The following VIPR2 variants were observed in gnomAD, a reference collection of about 807,000 sequenced individuals.
VIPR2 encodes the protein vasoactive intestinal polypeptide receptor 2.
A neutral mutation model predicts 58.0 loss-of-function variants in VIPR2; 48 were observed. The observed-to-expected ratio is 0.83, with a 90% CI of 0.66 to 1.05. The LOEUF (loss-of-function observed/expected upper bound fraction) is 1.05, where lower values mean the gene tolerates loss of function less well. Ranked by LOEUF, VIPR2 falls within the 50% of genes least tolerant of loss-of-function variation. The pLI, the probability that VIPR2 is intolerant of heterozygous loss-of-function variation, is 0.00. For synonymous variants in VIPR2, 243 were observed against 235.2 expected (o/e 1.03, Z -0.30); for missense variants, 534 against 558.0 (o/e 0.96, Z 0.43).
intron 4 of VIPR2, among the ~76,000 whole-genome samples, chr7:159,094,843 G>A (rs770462991): frequency 1.3e-5 from 2 of 152,170 alleles, no homozygotes; most frequent in Non-Finnish European, 2.9e-5. Context: ...TAGAAACAGA[G>A]ACATTTGGAG....
intron 4 of VIPR2, among the ~76,000 whole-genome samples, chr7:159,084,275 G>A (rs544022175): frequency 3.4e-4 from 52 of 152,350 alleles, no homozygotes; most frequent in South Asian, 2.1e-3. Context: ...AGGTGTGGGC[G>A]GGAGGATGAG....
At chr7:159,129,267 G>C (rs370665983) in intron 2 of VIPR2, among the ~76,000 whole-genome samples, 1,640 of 111,262 alleles carry the variant, frequency 0.015, no homozygotes, top group Non-Finnish European at 0.02. Flanking sequence ...CTGGCCTCTG[G>C]GGGGGACAGG....
intron 4 of VIPR2, among the ~76,000 whole-genome samples, chr7:159,102,714 G>C (rs1858375562): frequency 6.6e-6 from 1 of 152,234 alleles, no homozygotes; most frequent in Non-Finnish European, 1.5e-5. Context: ...CACACCTCCA[G>C]GAGGGGCAGG....
At chr7:159,113,690 A>G (rs964075901) in intron 2 of VIPR2, among the ~76,000 whole-genome samples, 7 of 152,202 alleles carry the variant, frequency 4.6e-5, no homozygotes, top group Non-Finnish European at 8.8e-5. Flanking sequence ...GAAATGCTGG[A>G]TATTATGTGG....
At position 159,090,924 on chromosome 7, in the gene VIPR2, C is replaced by T. The variant is rs1160744212; in HGVS notation, c.357+12833G>A. Among the ~76,000 whole-genome samples, 34 of 122,446 alleles carry T rather than the reference C, an allele frequency of 2.8e-4. 1 individual carries two copies. The highest frequency in any genetic ancestry group is 5.2e-4 in the East Asian group (2 of 3,812). The allele number at this position is 122,446 out of a possible 152,430, so 80.3% of individuals were successfully genotyped here. A position where few individuals can be genotyped will look rare whatever the true frequency, so the allele number is the denominator to read the frequency against. On this transcript the variant is annotated intron_variant, in intron 4 of 12. Coordinates refer to ENST00000262178, the MANE Select transcript of VIPR2 (RefSeq NM_003382.5). ...CACCTATTGTGACTATCACAATCCCCGGTGACCTCAGCACAGACACGCTGG... is the reference window on the plus strand; with the variant it reads ...CACCTATTGTGACTATCACAATCCCTGGTGACCTCAGCACAGACACGCTGG...
intron 2 of VIPR2, among the ~76,000 whole-genome samples, chr7:159,133,781 A>T (rs956866423): frequency 2.0e-5 from 3 of 152,360 alleles, no homozygotes; most frequent in East Asian, 3.9e-4. Flanking sequence ...AGGTGCTTGT[A>T]AAAATTAAAT....
chr7:159,092,250 A>G (rs1857546945), intron 4 of VIPR2, among the ~76,000 whole-genome samples: 1 of 152,198 alleles, frequency 6.6e-6, no homozygotes, highest in South Asian at 2.1e-4. Context: ...TGGGGCCCAG[A>G]GCGAAATTGG....
At chr7:159,125,511 G>C (rs572355959) in intron 2 of VIPR2, among the ~76,000 whole-genome samples, 1 of 152,314 alleles carries the variant, frequency 6.6e-6, no homozygotes. Context: ...TACTCTCAGA[G>C]TCTGGGAAGT....
intron 8 of VIPR2, 35 bp downstream of exon 8, chr7:159,035,917 C>A: frequency 1.2e-6 from 2 of 1,603,138 alleles, no homozygotes; most frequent in South Asian, 1.1e-5. Flanking sequence ...GTTGCCGGGC[C>A]CGTTTTCGAG....
intron 4 of VIPR2, among the ~76,000 whole-genome samples, chr7:159,102,706 C>T (rs1308146174): frequency 6.6e-6 from 1 of 152,234 alleles, no homozygotes; most frequent in Admixed American, 6.5e-5. Flanking sequence ...GCAGAAGCCA[C>T]ACCTCCAGGA....
rs187139520 is a variant in VIPR2 at position 159,030,449 on chromosome 7, C to T, written c.*167G>A. 4.1e-6 allele frequency: 3 copies of T among 724,134 alleles called. No individual in the cohort carries two copies. The highest frequency in any genetic ancestry group is 6.5e-5 in the East Asian group (2 of 30,936). The allele number at this position is 724,134 out of a possible 1,614,324, so 44.9% of individuals were successfully genotyped here. On this transcript the variant is annotated 3_prime_UTR_variant, in exon 13 of 13. Transcript: ENST00000262178. ...AAATCGAGTCAATGACAACACGACT[C>T]CAATTCCAGGTATGGGGTTTAGTGG...
chr7:159,054,938 A>G (rs1855220551), intron 5 of VIPR2, among the ~76,000 whole-genome samples: 2 of 152,230 alleles, frequency 1.3e-5, no homozygotes. Context: ...AATATAAGAT[A>G]AACACAAATG....
rs1853544258 is a variant in VIPR2 at position 159,031,058 on chromosome 7, C to T, written c.1144-269G>A. Reference sequence around the variant, plus strand: ...CGCCACTGCCGCGGTAAGCGCAGTCCCACAGTCTCAGATAGTTAATATTTC... The same window carrying T: ...CGCCACTGCCGCGGTAAGCGCAGTCTCACAGTCTCAGATAGTTAATATTTC... On this transcript the variant is annotated intron_variant, in intron 12 of 12. Coordinates refer to ENST00000262178, the MANE Select transcript of VIPR2 (RefSeq NM_003382.5). This position sits in a 1 kb window ranked among gnomAD's most constrained non-coding sequence, Gnocchi z 4.0. 6.6e-6 allele frequency among the ~76,000 whole-genome samples: 1 copy of T among 152,186 alleles called. No homozygotes were observed. The highest frequency in any genetic ancestry group is 2.1e-4 in the South Asian group (1 of 4,822).
In VIPR2 at chr7:159,057,441, C is replaced by T. The variant is rs551341843; in HGVS notation, c.455+1040G>A. On this transcript the variant is annotated intron_variant, in intron 5 of 12. Transcript: ENST00000262178. ...GTTGAGATGCCTGAACAATAAAAAG[C>T]ATAGCTCAATTACATTTGCTGGCTT... Among the ~76,000 whole-genome samples, 46 of 152,324 alleles carry T rather than the reference C, an allele frequency of 3.0e-4. No homozygotes were observed. In the South Asian group the frequency reaches 8.9e-3, roughly 29 times the overall value.
rs191070923 is a variant in VIPR2, at chr7:159,085,915, C to G, written c.357+17842G>C. On this transcript the variant is annotated intron_variant, in intron 4 of 12. Transcript: ENST00000262178. ...GTCAGCGAGGACGACCCGCGCGATG[C>G]TGTGATGGCGGGTCCTTGTCATTAG... Among the ~76,000 whole-genome samples, 34 of 152,264 alleles carry G rather than the reference C, an allele frequency of 2.2e-4. No homozygotes were observed. In the East Asian group the frequency reaches 5.4e-3, roughly 24 times the overall value.
At chr7:159,086,384 G>A (rs574635995) in intron 4 of VIPR2, among the ~76,000 whole-genome samples, 95 of 152,178 alleles carry the variant, frequency 6.2e-4, no homozygotes, top group Non-Finnish European at 1.2e-3. Flanking sequence ...TCTGACCCAC[G>A]CGGGGGACTG....
intron 2 of VIPR2, among the ~76,000 whole-genome samples, chr7:159,142,113 A>G (rs779191131): frequency 1.3e-5 from 2 of 152,232 alleles, no homozygotes; most frequent in Non-Finnish European, 2.9e-5. Flanking sequence ...AAGAATTCAG[A>G]TAAATGCTTA....
chr7:159,030,456 C>T lies in VIPR2; in HGVS notation c.*160G>A. 1 of 766,300 alleles carries T rather than the reference C, an allele frequency of 1.3e-6. No homozygotes were observed. The highest frequency in any genetic ancestry group is 1.9e-6 in the Non-Finnish European group (1 of 521,262). The allele number at this position is 766,300 out of a possible 1,614,324, so 47.5% of individuals were successfully genotyped here. A position where few individuals can be genotyped will look rare whatever the true frequency, so the allele number is the denominator to read the frequency against. ...GTCAATGACAACACGACTCCAATTC[C>T]AGGTATGGGGTTTAGTGGACAACCA... On this transcript the variant is annotated 3_prime_UTR_variant, in exon 13 of 13. Transcript: ENST00000262178.
intron 4 of VIPR2, among the ~76,000 whole-genome samples, chr7:159,088,196 A>G (rs188684954): frequency 9.4e-4 from 143 of 152,340 alleles, no homozygotes; most frequent in African/African-American, 3.4e-3. Flanking sequence ...CCCAATCCTG[A>G]GAGAACCTAC....
Sources: allele counts gnomAD v4.1 joint callset (sites outside exome capture counted in the v4.1 genomes callset), GRCh38; gene constraint gnomAD v4.1.1; non-coding constraint Gnocchi (gnomAD v3.1); transcripts MANE v1.5; gene names NCBI Gene and HGNC (gene_info 2026-07-23, HGNC 2026-07-21).